The following CTIF variants were observed in gnomAD, a reference collection of about 807,000 sequenced individuals.
CTIF encodes the protein cap binding complex dependent translation initiation factor.
Under a neutral mutation model 66.0 loss-of-function variants are expected in CTIF, and 21 were observed. That is an observed-to-expected ratio of 0.32 (90% CI 0.23 to 0.46). CTIF has a LOEUF of 0.46. Ranked by LOEUF, CTIF falls within the 20% of genes least tolerant of loss-of-function variation. The probability of loss-of-function intolerance (pLI) is 1.00; values close to 1 mark genes in which losing one functional copy is unlikely to be tolerated. For missense variants in CTIF, 739 were observed against 812.7 expected, an observed-to-expected ratio of 0.91 and a Z score of 1.10; for synonymous variants, 345 against 326.4, an observed-to-expected ratio of 1.06 and a Z score of -0.62.
chr18:48,617,244 C>G (rs2090416339), intron 1 of CTIF, among the ~76,000 whole-genome samples: 1 of 152,220 alleles, frequency 6.6e-6, no homozygotes, highest in Non-Finnish European at 1.5e-5. Flanking sequence ...TTCAAGCCAG[C>G]AACAGTGCAT....
chr18:48,632,909 T>C (rs549813767), intron 2 of CTIF, among the ~76,000 whole-genome samples: 30 of 151,966 alleles, frequency 2.0e-4, no homozygotes, highest in Non-Finnish European at 2.9e-4. Flanking sequence ...GGTTGGCAAA[T>C]GTACAGTTAT....
chr18:48,692,136 A>G (rs1403760870), intron 6 of CTIF, among the ~76,000 whole-genome samples: 1 of 151,986 alleles, frequency 6.6e-6, no homozygotes, highest in Non-Finnish European at 1.5e-5. Flanking sequence ...CTTTTCAAAA[A>G]CCTGAGCTTG....
intron 1 of CTIF, among the ~76,000 whole-genome samples, chr18:48,542,153 T>A (rs1234166533): frequency 1.3e-5 from 2 of 152,260 alleles, no homozygotes; most frequent in Non-Finnish European, 2.9e-5. Context: ...GAGCAGCCAC[T>A]AAAGAACGGA....
At chr18:48,731,104 G>A (rs1280439294) in intron 7 of CTIF, among the ~76,000 whole-genome samples, 1 of 152,158 alleles carries the variant, frequency 6.6e-6, no homozygotes. Flanking sequence ...TCATGGAGCA[G>A]TGTGTGGCCC....
intron 6 of CTIF, among the ~76,000 whole-genome samples, chr18:48,695,725 A>G (rs965944160): frequency 3.9e-5 from 6 of 152,222 alleles, no homozygotes; most frequent in African/African-American, 1.4e-4. Context: ...GCCCGTTGCT[A>G]TCATTATGAT....
chr18:48,856,297 G>A (rs753199100), intron 10 of CTIF, among the ~76,000 whole-genome samples: 5 of 152,216 alleles, frequency 3.3e-5, no homozygotes, highest in Admixed American at 2.0e-4. Context: ...GAACCCTCAT[G>A]CATTGCTAGT....
At chr18:48,738,464 C>T (rs1361752621) in intron 7 of CTIF, among the ~76,000 whole-genome samples, 2 of 152,172 alleles carry the variant, frequency 1.3e-5, no homozygotes, top group African/African-American at 4.8e-5. Context: ...TCCCCCTTCA[C>T]ACTCTGCACT....
At chr18:48,817,773 T>C in intron 10 of CTIF, among the ~76,000 whole-genome samples, 1 of 123,172 alleles carries the variant, frequency 8.1e-6, no homozygotes. Context: ...AGACTCGGTC[T>C]CCAAAAAAAA....
intron 6 of CTIF, among the ~76,000 whole-genome samples, chr18:48,690,763 G>T (rs1016217558): frequency 1.1e-4 from 16 of 151,906 alleles, no homozygotes; most frequent in Admixed American, 8.5e-4. Flanking sequence ...AAGCTGCATG[G>T]ACTTGACCAA....
At chr18:48,805,556 C>T (rs967686880) in intron 9 of CTIF, among the ~76,000 whole-genome samples, 1 of 152,006 alleles carries the variant, frequency 6.6e-6, no homozygotes, top group Non-Finnish European at 1.5e-5. Context: ...GGCGGCTCTG[C>T]GGAATGTCGT....
intron 9 of CTIF, among the ~76,000 whole-genome samples, chr18:48,795,684 A>C (rs528813886): frequency 1.3e-5 from 2 of 152,352 alleles, no homozygotes; most frequent in African/African-American, 4.8e-5. Flanking sequence ...GGTTCCCCAG[A>C]ATCAAGTTCA....
intron 9 of CTIF, among the ~76,000 whole-genome samples, chr18:48,789,706 C>G (rs1182356084): frequency 6.6e-6 from 1 of 152,152 alleles, no homozygotes. Flanking sequence ...AATTGGCAAG[C>G]TGATTCTAAA....
At position 48,758,049 on chromosome 18, in the gene CTIF, C is replaced by T; in HGVS notation, c.715C>T (p.Pro239Ser). The T allele has an allele frequency of 1.2e-6, 2 of 1,614,090 alleles. No individual in the cohort carries two copies. The highest frequency in any genetic ancestry group is 1.7e-5 in the Admixed American group (1 of 60,030). ...GGSAPHPSGRPTHHGYSQNRR... is the reference protein window; with the variant it reads ...GGSAPHPSGRSTHHGYSQNRR... ...CTCAGCACCCCACCCCTCAGGGAGG[C>T]CCACTCACCATGGCTACAGCCAGAA... The change falls in exon 8 of 12, where the codon CCC becomes TCC. Residue 239 changes from proline (P) to serine (S), a missense_variant. This residue lies in a region of CTIF where 529 missense variants were observed against 520.3 expected (regional missense o/e 1.02). Coordinates refer to ENST00000256413, the MANE Select transcript of CTIF (RefSeq NM_014772.3).
intron 10 of CTIF, among the ~76,000 whole-genome samples, chr18:48,824,457 C>T (rs1210002713): frequency 6.6e-6 from 1 of 152,166 alleles, no homozygotes; most frequent in African/African-American, 2.4e-5. Context: ...CCTTCATTCC[C>T]TGACCCTACA....
rs61179877 is a variant in CTIF at position 48,626,656 on chromosome 18, GT to G, written c.180+6927del. On this transcript the variant is annotated intron_variant, in intron 2 of 11. Coordinates refer to ENST00000256413, the MANE Select transcript of CTIF (RefSeq NM_014772.3). ...CACCGCACCTGGCCGTTTTTTTTTTGTTTTTTTTTTTTTTTTGAGACAAAGT... is the reference window on the plus strand; with the variant it reads ...CACCGCACCTGGCCGTTTTTTTTTTGTTTTTTTTTTTTTTTGAGACAAAGT... Among the ~76,000 whole-genome samples, 318 of 108,044 alleles carry G rather than the reference GT, an allele frequency of 2.9e-3. 3 individuals carry two copies. The East Asian group carries it at 0.053, about 18-fold the overall frequency. 70.9% of individuals were successfully genotyped at this position (108,044 alleles called of 152,430 possible).
intron 7 of CTIF, among the ~76,000 whole-genome samples, chr18:48,737,758 A>T (rs970048403): frequency 6.6e-6 from 1 of 152,254 alleles, no homozygotes; most frequent in Non-Finnish European, 1.5e-5. Flanking sequence ...TAAAGTGGTT[A>T]TTTATGGGAC....
At chr18:48,688,746 A>G (rs1375528089) in intron 6 of CTIF, among the ~76,000 whole-genome samples, 1 of 152,242 alleles carries the variant, frequency 6.6e-6, no homozygotes, top group Non-Finnish European at 1.5e-5. Context: ...TGGTCCTTGT[A>G]CAAGGCTCAC....
intron 7 of CTIF, among the ~76,000 whole-genome samples, chr18:48,749,478 T>A (rs552177241): frequency 7.9e-4 from 121 of 152,330 alleles, no homozygotes; most frequent in Non-Finnish European, 1.5e-3. Flanking sequence ...GGTCTCTTCC[T>A]TGACCTAACA....
chr18:48,766,365 T>G (rs1294199057), intron 9 of CTIF, among the ~76,000 whole-genome samples: 1 of 152,172 alleles, frequency 6.6e-6, no homozygotes, highest in Non-Finnish European at 1.5e-5. Context: ...GTGGTGGCTC[T>G]GTTTCATAGA....
Sources: gnomAD v4.1 joint callset for allele counts (sites outside exome capture counted in the v4.1 genomes callset) on GRCh38, gnomAD v4.1.1 for gene constraint, gnomAD v4.1.1 regional missense constraint, MANE v1.5 for transcripts, NCBI Gene and HGNC (gene_info 2026-07-23, HGNC 2026-07-21) for gene names.